EIF2S3: variants seen among roughly 807,000 people sequenced by gnomAD.
The protein encoded by EIF2S3 is eukaryotic translation initiation factor 2 subunit 3.
Under a neutral mutation model 31.7 loss-of-function variants are expected in EIF2S3, and 2 were observed. That is an observed-to-expected ratio of 0.06 (90% CI 0.03 to 0.20). The LOEUF (loss-of-function observed/expected upper bound fraction) is 0.20, where lower values mean the gene tolerates loss of function less well. Ranked by LOEUF, EIF2S3 falls within the 10% of genes least tolerant of loss-of-function variation. EIF2S3 has a pLI of 1.00. For missense variants in EIF2S3, 96 were observed against 359.3 expected, an observed-to-expected ratio of 0.27 and a Z score of 5.92; for synonymous variants, 120 against 126.7, an observed-to-expected ratio of 0.95 and a Z score of 0.36.
At chrX:24,064,123 A>G in intron 6 of EIF2S3, 78 bp from the exon 7 acceptor site, 2 of 888,611 alleles carry the variant, frequency 2.3e-6, no homozygotes, top group Non-Finnish European at 2.9e-6. Flanking sequence ...AGTAATCTTA[A>G]TTGTTTTATG....
intron 9 of EIF2S3, among the ~76,000 whole-genome samples, chrX:24,070,439 G>GTTGTTTT (rs1555984478): frequency 5.9e-5 from 3 of 50,977 alleles, no homozygotes; most frequent in African/African-American, 2.6e-4. Context: ...ATCATATGTA[G>GTTGTTTT]TTTTTTTTTT....
intron 9 of EIF2S3, among the ~76,000 whole-genome samples, chrX:24,070,520 A>C (rs1203106206): frequency 1.1e-5 from 1 of 88,251 alleles, no homozygotes; most frequent in East Asian, 3.8e-4. Context: ...GGCTCACTGC[A>C]ACCTCTGCCT....
chrX:24,071,512 T>C, intron 9 of EIF2S3, 46 bp from the exon 10 acceptor site: 1 of 1,160,475 alleles, frequency 8.6e-7, no homozygotes, highest in Non-Finnish European at 1.2e-6. Flanking sequence ...TTATAGGTGT[T>C]TTAGGAAATA....
At chrX:24,056,930 G>A (rs1463040174) in intron 2 of EIF2S3, among the ~76,000 whole-genome samples, 1 of 112,561 alleles carries the variant, frequency 8.9e-6, no homozygotes, top group African/African-American at 3.2e-5. Flanking sequence ...ATGAGAACAC[G>A]TTTCTAGTAG....
intron 8 of EIF2S3, among the ~76,000 whole-genome samples, chrX:24,067,675 C>T (rs968114559): frequency 1.8e-5 from 2 of 109,111 alleles, no homozygotes; most frequent in Non-Finnish European, 3.8e-5. Flanking sequence ...ACTGCAACCT[C>T]TGCCTCCCAG....
At chrX:24,073,284 C>T (rs752177934) in intron 11 of EIF2S3, 21 bp downstream of exon 11, 174 of 1,206,445 alleles carry the variant, frequency 1.4e-4, no homozygotes, top group Middle Eastern at 2.3e-4. Context: ...TAGTCTTTGC[C>T]ACTGTCTAAT....
intron 6 of EIF2S3, among the ~76,000 whole-genome samples, chrX:24,063,895 T>C (rs1459372115): frequency 8.9e-6 from 1 of 112,342 alleles, no homozygotes; most frequent in East Asian, 2.8e-4. Flanking sequence ...TAGAGTGCTC[T>C]TTCACAGGAA....
intron 9 of EIF2S3, among the ~76,000 whole-genome samples, chrX:24,068,967 T>C (rs1367652186): frequency 8.9e-6 from 1 of 112,094 alleles, no homozygotes. Context: ...AGGGGTGTTG[T>C]ACCTTTAGAT....
intron 8 of EIF2S3, among the ~76,000 whole-genome samples, chrX:24,066,711 A>G (rs1455672519): frequency 9.0e-6 from 1 of 110,556 alleles, no homozygotes; most frequent in Non-Finnish European, 1.9e-5. Context: ...ACAGGGTTTC[A>G]CCATGTTGGC....
At chrX:24,070,126 G>A (rs1177567524) in intron 9 of EIF2S3, among the ~76,000 whole-genome samples, 1 of 108,105 alleles carries the variant, frequency 9.3e-6, no homozygotes, top group Non-Finnish European at 1.9e-5. Flanking sequence ...CCAGCACTTC[G>A]GGAGGCCGAG....
At chrX:24,070,439 GT>G (rs768908773) in intron 9 of EIF2S3, among the ~76,000 whole-genome samples, 569 of 50,853 alleles carry the variant, frequency 0.011, 5 homozygotes, top group African/African-American at 0.047. Context: ...ATCATATGTA[GT>G]TTTTTTTTTT....
intron 11 of EIF2S3, among the ~76,000 whole-genome samples, chrX:24,073,764 A>T (rs1048112730): frequency 8.9e-6 from 1 of 112,159 alleles, no homozygotes; most frequent in African/African-American, 3.2e-5. Flanking sequence ...TCTTCCTGTT[A>T]GACACAACCT....
chrX:24,061,623 T>A (rs1361697017), intron 5 of EIF2S3, among the ~76,000 whole-genome samples: 1 of 110,659 alleles, frequency 9.0e-6, no homozygotes, highest in African/African-American at 3.3e-5. Context: ...CACTTGAATA[T>A]CACGACTTGA....
intron 7 of EIF2S3, 86 bp from the exon 8 acceptor site, chrX:24,065,912 C>T: frequency 6.0e-6 from 5 of 831,954 alleles, no homozygotes; most frequent in Non-Finnish European, 5.2e-6. Flanking sequence ...CTCAAATGGC[C>T]ACTATTTTAG....
At chrX:24,070,938 C>T (rs1487302590) in intron 9 of EIF2S3, among the ~76,000 whole-genome samples, 2 of 111,384 alleles carry the variant, frequency 1.8e-5, no homozygotes, top group East Asian at 5.6e-4. Context: ...GTAATACTTA[C>T]CATCTCCTGC....
chrX:24,058,349 C>T (rs1404494722), intron 4 of EIF2S3, among the ~76,000 whole-genome samples: 1 of 110,936 alleles, frequency 9.0e-6, no homozygotes, highest in Non-Finnish European at 1.9e-5. Context: ...TATTTTAATG[C>T]AGTGTTTTTT....
chrX:24,074,000 T>C (rs1930712735), intron 11 of EIF2S3, among the ~76,000 whole-genome samples: 1 of 112,168 alleles, frequency 8.9e-6, no homozygotes, highest in African/African-American at 3.2e-5. Context: ...AATACTTCAG[T>C]GTATATTTCC....
chrX:24,076,913 G>T lies in EIF2S3; in HGVS notation c.*128G>T. 6.3e-6 allele frequency: 2 copies of T among 319,262 alleles called. No homozygotes were observed. The highest frequency in any genetic ancestry group is 4.9e-6 in the Non-Finnish European group (1 of 202,501). 26.3% of individuals were successfully genotyped at this position (319,262 alleles called of 1,213,427 possible). On this transcript the variant is annotated 3_prime_UTR_variant, in exon 12 of 12. Transcript: ENST00000253039. ...CAGTTCGTTACCTTAGTAGGTAACG[G>T]TAAGGTTATTCTCTTTTTTTTTTTT... is the stretch of plus-strand genomic sequence containing the variant.
At chrX:24,067,058 C>G (rs765694172) in intron 8 of EIF2S3, among the ~76,000 whole-genome samples, 3 of 111,423 alleles carry the variant, frequency 2.7e-5, no homozygotes, top group Non-Finnish European at 5.7e-5. Context: ...TTTACATGCT[C>G]TGATAATAGT....
Sources: allele counts gnomAD v4.1 joint callset (sites outside exome capture counted in the v4.1 genomes callset), GRCh38; gene constraint gnomAD v4.1.1; transcripts MANE v1.5; gene names NCBI Gene and HGNC (gene_info 2026-07-23, HGNC 2026-07-21).